The following SSBP2 variants were observed in gnomAD, a reference collection of about 807,000 sequenced individuals.
SSBP2 encodes the protein single-stranded DNA-binding protein 2.
SSBP2 carries 17 observed loss-of-function variants against 61.8 expected under a neutral mutation model. The observed-to-expected ratio is 0.28, with a 90% CI of 0.19 to 0.41. The LOEUF (loss-of-function observed/expected upper bound fraction) is 0.41, where lower values mean the gene tolerates loss of function less well. Among genes scored for constraint, SSBP2 ranks in the 10% least tolerant of loss-of-function variants. The pLI, the probability that SSBP2 is intolerant of heterozygous loss-of-function variation, is 1.00. For missense variants in SSBP2, 310 were observed against 458.7 expected (o/e 0.68, Z 2.96); for synonymous variants, 139 against 141.3 (o/e 0.98, Z 0.12).
At chr5:81,426,859 T>A (rs1761984329) in intron 16 of SSBP2, among the ~76,000 whole-genome samples, 1 of 152,190 alleles carries the variant, frequency 6.6e-6, no homozygotes, top group Non-Finnish European at 1.5e-5. Flanking sequence ...GGAAGCTTTT[T>A]AAAAAAGTTT....
At chr5:81,656,823 G>A (rs1750258615) in intron 1 of SSBP2, among the ~76,000 whole-genome samples, 1 of 151,864 alleles carries the variant, frequency 6.6e-6, no homozygotes, top group African/African-American at 2.4e-5. Context: ...AGTATTCAAT[G>A]CCTATAAGGG....
At chr5:81,489,145 G>T in intron 6 of SSBP2, 105 bp downstream of exon 6, 2 of 1,030,294 alleles carry the variant, frequency 1.9e-6, no homozygotes, top group South Asian at 1.5e-5. Flanking sequence ...GCATTAAATG[G>T]GACAGAAAAA....
intron 4 of SSBP2, among the ~76,000 whole-genome samples, chr5:81,535,888 A>T (rs886611643): frequency 3.3e-5 from 5 of 152,258 alleles, no homozygotes; most frequent in African/African-American, 1.2e-4. Flanking sequence ...AAAAAAAATT[A>T]TAACATGGAC....
At chr5:81,568,592 A>T (rs970261490) in intron 4 of SSBP2, among the ~76,000 whole-genome samples, 1 of 152,218 alleles carries the variant, frequency 6.6e-6, no homozygotes, top group Non-Finnish European at 1.5e-5. Context: ...TTTACTCCAA[A>T]ACATATGCTG....
chr5:81,485,244 G>A (rs965093698), intron 6 of SSBP2, among the ~76,000 whole-genome samples: 16 of 151,878 alleles, frequency 1.1e-4, no homozygotes, highest in Non-Finnish European at 1.9e-4. Flanking sequence ...TTCATGTTTC[G>A]TCATATATAT....
intron 2 of SSBP2, among the ~76,000 whole-genome samples, chr5:81,648,670 G>A (rs1027674506): frequency 2.6e-5 from 4 of 152,024 alleles, no homozygotes; most frequent in Admixed American, 6.6e-5. Flanking sequence ...CCACAAATAA[G>A]AGCCACATGT....
intron 4 of SSBP2, among the ~76,000 whole-genome samples, chr5:81,544,247 C>A (rs1174307861): frequency 2.6e-5 from 4 of 152,150 alleles, no homozygotes; most frequent in Non-Finnish European, 1.5e-5. Context: ...CGGGGTTTCA[C>A]CATCTTGGCC....
intron 15 of SSBP2, among the ~76,000 whole-genome samples, chr5:81,432,806 G>A (rs1221609145): frequency 4.0e-5 from 5 of 123,536 alleles, no homozygotes; most frequent in Admixed American, 4.0e-4. Context: ...GGAGGGAGGT[G>A]GGGGAGTCAG....
intron 6 of SSBP2, among the ~76,000 whole-genome samples, chr5:81,482,354 T>C (rs1170007039): frequency 2.6e-5 from 4 of 152,200 alleles, no homozygotes; most frequent in Non-Finnish European, 2.9e-5. Context: ...CAGCCTGCCC[T>C]TTAAAGCTCT....
At chr5:81,687,621 A>G (rs940950506) in intron 1 of SSBP2, among the ~76,000 whole-genome samples, 1 of 152,160 alleles carries the variant, frequency 6.6e-6, no homozygotes, top group Non-Finnish European at 1.5e-5. Context: ...AAGAGAGGGA[A>G]GAGTAAAGAG....
intron 4 of SSBP2, among the ~76,000 whole-genome samples, chr5:81,542,463 T>G (rs1191428495): frequency 1.3e-5 from 2 of 152,060 alleles, no homozygotes; most frequent in Non-Finnish European, 2.9e-5. Context: ...CACTCACATG[T>G]TCATAGCACC....
chr5:81,739,464 C>CT (rs1244608337), intron 1 of SSBP2, among the ~76,000 whole-genome samples: 1 of 152,084 alleles, frequency 6.6e-6, no homozygotes, highest in African/African-American at 2.4e-5. Flanking sequence ...AGATTCAATG[C>CT]TTTTTTTCAG....
intron 1 of SSBP2, among the ~76,000 whole-genome samples, chr5:81,702,790 CT>C (rs1218969802): frequency 2.6e-5 from 4 of 152,184 alleles, no homozygotes; most frequent in Non-Finnish European, 5.9e-5. Context: ...CTATGTCCCC[CT>C]GAAGAGCTAC....
At chr5:81,751,292 C>G, upstream of SSBP2, 1 of 566,922 alleles carries the variant, frequency 1.8e-6, no homozygotes, top group South Asian at 2.1e-5. Flanking sequence ...CCCTCCCCGA[C>G]TCCCTCCCTC....
chr5:81,588,195 G>C (rs1436592296), intron 4 of SSBP2, among the ~76,000 whole-genome samples: 1 of 151,622 alleles, frequency 6.6e-6, no homozygotes, highest in Non-Finnish European at 1.5e-5. Flanking sequence ...TGAACTCCTG[G>C]GCCTCCCAAA....
At chr5:81,488,406 T>C (rs1561460081) in intron 6 of SSBP2, among the ~76,000 whole-genome samples, 2 of 152,144 alleles carry the variant, frequency 1.3e-5, no homozygotes, top group African/African-American at 4.8e-5. Flanking sequence ...TTTTTGATAA[T>C]AGCCATCCTT....
chr5:81,455,021 G>T (rs1764037021), intron 10 of SSBP2, among the ~76,000 whole-genome samples: 1 of 152,164 alleles, frequency 6.6e-6, no homozygotes, highest in Non-Finnish European at 1.5e-5. Context: ...AAAACAAACT[G>T]CTGGTAAAGC....
intron 4 of SSBP2, among the ~76,000 whole-genome samples, chr5:81,518,217 G>T (rs1769183634): frequency 6.6e-6 from 1 of 152,114 alleles, no homozygotes; most frequent in African/African-American, 2.4e-5. Context: ...ACTGGAAAGG[G>T]GATTAAAGGG....
At chr5:81,602,219 CCT>C (rs1744434490) in intron 4 of SSBP2, among the ~76,000 whole-genome samples, 2 of 152,128 alleles carry the variant, frequency 1.3e-5, no homozygotes, top group Admixed American at 1.3e-4. Flanking sequence ...GATCCAAGAG[CCT>C]CTTTTCAATG....
Sources: allele counts gnomAD v4.1 joint callset (sites outside exome capture counted in the v4.1 genomes callset), GRCh38; gene constraint gnomAD v4.1.1; transcripts MANE v1.5; gene names NCBI Gene and HGNC (gene_info 2026-07-23, HGNC 2026-07-21).